The following ERLIN1 variants were observed in gnomAD, a reference collection of about 807,000 sequenced individuals.
ERLIN1 encodes ER lipid raft associated 1.
Under a neutral mutation model 46.9 loss-of-function variants are expected in ERLIN1, and 24 were observed. That is an observed-to-expected ratio of 0.51 (90% confidence interval 0.37 to 0.72). ERLIN1 has a LOEUF of 0.72. ERLIN1 is among the 30% of genes least tolerant of loss of function. ERLIN1 has a pLI of 0.00. For synonymous variants in ERLIN1, 158 were observed against 143.2 expected (o/e 1.10, Z -0.74); for missense variants, 293 against 417.9 (o/e 0.70, Z 2.61).
chr10:100,185,265 A>G (rs570566149), intron 1 of ERLIN1, among the ~76,000 whole-genome samples: 11 of 152,276 alleles, frequency 7.2e-5, no homozygotes, highest in Non-Finnish European at 1.6e-4. Flanking sequence ...ATTTTTCTAC[A>G]AATAATTGAG....
chr10:100,182,046 T>TAC (rs1844683601), intron 2 of ERLIN1, among the ~76,000 whole-genome samples: 4 of 152,060 alleles, frequency 2.6e-5, no homozygotes. Context: ...GTTATATATA[T>TAC]ACACAATTAA....
chr10:100,164,186 G>A (rs554117338), intron 7 of ERLIN1, 91 bp from the exon 8 acceptor site: 13 of 788,512 alleles, frequency 1.6e-5, no homozygotes, highest in South Asian at 1.5e-4. Context: ...TCAGAGAACC[G>A]TTTTGTCAAC....
intron 5 of ERLIN1, among the ~76,000 whole-genome samples, chr10:100,175,492 T>C (rs2134162050): frequency 6.6e-6 from 1 of 152,310 alleles, no homozygotes; most frequent in East Asian, 1.9e-4. Context: ...TGTTTGACTC[T>C]TGGAAGCCTG....
At chr10:100,159,148 T>C (rs1843223975) in intron 8 of ERLIN1, among the ~76,000 whole-genome samples, 1 of 152,162 alleles carries the variant, frequency 6.6e-6, no homozygotes, top group African/African-American at 2.4e-5. Context: ...GGTATAGCTA[T>C]ATTATCAGGC....
chr10:100,185,023 T>C (rs988409215), intron 1 of ERLIN1, among the ~76,000 whole-genome samples: 16 of 151,998 alleles, frequency 1.1e-4, no homozygotes, highest in Admixed American at 7.2e-4. Flanking sequence ...GCATGGCCCA[T>C]CAGTGTTGTG....
intron 7 of ERLIN1, among the ~76,000 whole-genome samples, chr10:100,165,296 G>A (rs998444447): frequency 2.6e-5 from 4 of 151,688 alleles, no homozygotes; most frequent in Middle Eastern, 3.2e-3. Context: ...TGATAACATT[G>A]ATAAAGACAT....
intron 10 of ERLIN1, among the ~76,000 whole-genome samples, chr10:100,152,856 T>C (rs1842878867): frequency 6.7e-6 from 1 of 148,938 alleles, no homozygotes; most frequent in Non-Finnish European, 1.5e-5. Flanking sequence ...GCACCCAGCC[T>C]TTTTTTTTTC....
intron 2 of ERLIN1, among the ~76,000 whole-genome samples, chr10:100,182,670 C>G (rs1307218552): frequency 6.6e-6 from 1 of 152,020 alleles, no homozygotes; most frequent in Admixed American, 6.6e-5. Context: ...GCAAACAATG[C>G]AAGACAACAA....
intron 8 of ERLIN1, among the ~76,000 whole-genome samples, chr10:100,163,378 T>TAAAA (rs10706601): frequency 6.3e-5 from 9 of 142,758 alleles, no homozygotes; most frequent in African/African-American, 2.3e-4. Context: ...ATTTTTTTCT[T>TAAAA]AAAAAAAAAA....
chr10:100,171,610 T>G (rs2134150856), intron 6 of ERLIN1, among the ~76,000 whole-genome samples: 1 of 152,218 alleles, frequency 6.6e-6, no homozygotes, highest in Admixed American at 6.5e-5. Flanking sequence ...GGGGTCTCAC[T>G]ATGTTGTCCA....
chr10:100,167,555 G>T, intron 6 of ERLIN1, 149 bp from the exon 7 acceptor site: 2 of 627,038 alleles, frequency 3.2e-6, no homozygotes, highest in Non-Finnish European at 5.5e-6. Flanking sequence ...GATCCCACCA[G>T]AACATTTACT....
chr10:100,183,861 A>G (rs1169274044), intron 1 of ERLIN1, 24 bp from the exon 2 acceptor site: 22 of 1,551,840 alleles, frequency 1.4e-5, no homozygotes, highest in Non-Finnish European at 1.8e-5. Context: ...TTTCAATTTG[A>G]CAAAATTATA....
At chr10:100,176,905 T>TCAA (rs1844341974) in intron 4 of ERLIN1, among the ~76,000 whole-genome samples, 1 of 152,136 alleles carries the variant, frequency 6.6e-6, no homozygotes. Context: ...GGTGGATCAT[T>TCAA]TGAGTCAGGA....
chr10:100,176,113 A>G, intron 4 of ERLIN1, 43 bp from the exon 5 acceptor site: 1 of 1,568,662 alleles, frequency 6.4e-7, no homozygotes, highest in East Asian at 2.3e-5. Flanking sequence ...CCCAACAATG[A>G]CACAGGTACC....
At chr10:100,166,376 C>T (rs1843640750) in intron 7 of ERLIN1, among the ~76,000 whole-genome samples, 1 of 151,186 alleles carries the variant, frequency 6.6e-6, no homozygotes, top group African/African-American at 2.4e-5. Context: ...TGCAGTGAGC[C>T]GTGATTGTGC....
chr10:100,157,783 A>G (rs923341089), intron 8 of ERLIN1, among the ~76,000 whole-genome samples: 5 of 152,236 alleles, frequency 3.3e-5, no homozygotes, highest in African/African-American at 1.2e-4. Context: ...AACCCAAAGG[A>G]TGTTACCTCA....
At position 100,177,380 on chromosome 10, in the gene ERLIN1, C is replaced by T. The variant is rs552246564; in HGVS notation, c.304+753G>A. On this transcript the variant is annotated intron_variant, in intron 4 of 10. Coordinates refer to ENST00000421367, the MANE Select transcript of ERLIN1 (RefSeq NM_006459.4). ...AATGCCCTTGACAGTAATACGCCTGCTCTCTACTCTGAAATCTTTTCACTA... is the reference window on the plus strand; with the variant it reads ...AATGCCCTTGACAGTAATACGCCTGTTCTCTACTCTGAAATCTTTTCACTA... 1.1e-4 allele frequency among the ~76,000 whole-genome samples: 16 copies of T among 152,272 alleles called. No homozygotes were observed. The South Asian group carries it at 2.9e-3, about 28-fold the overall frequency.
In ERLIN1 at chr10:100,151,333, C is replaced by T. The variant is rs967605845; in HGVS notation, c.*798G>A. 1 of 152,758 alleles carries T rather than the reference C, an allele frequency of 6.5e-6. No homozygotes were observed. Among genetic ancestry groups the T allele is most frequent in the Admixed American group, 6.5e-5 (1 of 15,322 alleles). 9.5% of individuals were successfully genotyped at this position (152,758 alleles called of 1,614,324 possible). On this transcript the variant is annotated 3_prime_UTR_variant, in exon 11 of 11. Transcript: ENST00000421367. ...GCTAAAACCAGGTACCTTAGTCAAG[C>T]ATGGCCTGCGGCAGTGATGCTGACA...
At chr10:100,158,460 C>A (rs1843187535) in intron 8 of ERLIN1, among the ~76,000 whole-genome samples, 1 of 151,708 alleles carries the variant, frequency 6.6e-6, no homozygotes, top group Non-Finnish European at 1.5e-5. Context: ...GGCTAAATTA[C>A]CATTCAAGGA....
Sources: gnomAD v4.1 joint callset for allele counts (sites outside exome capture counted in the v4.1 genomes callset) on GRCh38, gnomAD v4.1.1 for gene constraint, MANE v1.5 for transcripts, NCBI Gene and HGNC (gene_info 2026-07-23, HGNC 2026-07-21) for gene names.